The following SETDB2 variants were observed in gnomAD, a reference collection of about 807,000 sequenced individuals.
SETDB2 encodes the protein histone-lysine N-methyltransferase SETDB2.
SETDB2 carries 56 observed loss-of-function variants against 82.5 expected under a neutral mutation model. The observed-to-expected ratio is 0.68, with a 90% CI of 0.55 to 0.85. The LOEUF is 0.85. SETDB2 is among the 40% of genes least tolerant of loss of function. The pLI, the probability that SETDB2 is intolerant of heterozygous loss-of-function variation, is 0.00. For missense variants in SETDB2, 677 were observed against 816.4 expected (o/e 0.83, Z 2.08); for synonymous variants, 272 against 284.9 (o/e 0.95, Z 0.46).
chr13:49,464,954 T>C (rs928056647), intron 4 of SETDB2, among the ~76,000 whole-genome samples: 4 of 151,558 alleles, frequency 2.6e-5, no homozygotes, highest in African/African-American at 9.7e-5. Context: ...TGATTCCAGG[T>C]ACTCAAGAGG....
Position 49,493,887 on chromosome 13 carries a change from A to G in SETDB2, c.*2038A>G, listed in dbSNP as rs765668512. 1 of 152,060 alleles carries G rather than the reference A, an allele frequency of 6.6e-6. No individual in the cohort carries two copies. Among genetic ancestry groups the G allele is most frequent in the African/African-American group, 2.4e-5 (1 of 41,400 alleles). 9.4% of individuals were successfully genotyped at this position (152,060 alleles called of 1,614,324 possible). On this transcript the variant is annotated 3_prime_UTR_variant, in exon 14 of 14. Transcript: ENST00000611815. ...CATTTTTATCTCTCTTGAAGCTTAT[A>G]GGTTTATCTTTGTCTCAATGTTCTG...
At chr13:49,459,013 C>T (rs1372647090) in intron 2 of SETDB2, among the ~76,000 whole-genome samples, 2 of 152,240 alleles carry the variant, frequency 1.3e-5, no homozygotes, top group Admixed American at 6.5e-5. Context: ...TGTCCTCTTA[C>T]ATTGCTCTTG....
At position 49,476,903 on chromosome 13, in the gene SETDB2, T is replaced by G. The variant is rs1161397624; in HGVS notation, c.733T>G (p.Phe245Val). ...TGGAGTGGAATCAGTGCCCATTTCT[T>G]TCTGTAATGAAATTGACAGTAGAAA... is the stretch of plus-strand genomic sequence containing the variant. The part of the protein sequence containing the change: ...SNGVESVPIS[F>V]CNEIDSRKLP... Residue 245 changes from phenylalanine (F) to valine (V), a missense_variant, in exon 6 of 14, where the codon TTC (phenylalanine) becomes GTC (valine). By Grantham distance (50) the Phe-to-Val change is conservative (BLOSUM62 -1). Transcript: ENST00000611815. 1 of 1,614,090 alleles carries G rather than the reference T, an allele frequency of 6.2e-7. No homozygotes were observed. Among genetic ancestry groups the G allele is most frequent in the Non-Finnish European group, 8.5e-7 (1 of 1,180,052 alleles).
intron 12 of SETDB2, among the ~76,000 whole-genome samples, chr13:49,489,760 T>G (rs544581361): frequency 6.6e-6 from 1 of 150,916 alleles, no homozygotes; most frequent in East Asian, 2.0e-4. Context: ...CATGCCTGGC[T>G]AATTTTTGCA....
chr13:49,481,319 A>G (rs551044300), intron 8 of SETDB2, among the ~76,000 whole-genome samples: 1 of 152,288 alleles, frequency 6.6e-6, no homozygotes, highest in Admixed American at 6.5e-5. Context: ...TCAAGAAAAG[A>G]AAGGTTCAGA....
At chr13:49,467,493 G>A (rs1357720512) in intron 4 of SETDB2, among the ~76,000 whole-genome samples, 1 of 151,976 alleles carries the variant, frequency 6.6e-6, no homozygotes, top group Non-Finnish European at 1.5e-5. Context: ...AAAACAAAAG[G>A]TACATAAATT....
chr13:49,482,799 G>A lies in SETDB2; in HGVS notation c.1219G>A (p.Glu407Lys). The A allele has an allele frequency of 6.2e-7, 1 of 1,612,858 alleles. No homozygotes were observed. Among genetic ancestry groups the A allele is most frequent in the Non-Finnish European group, 8.5e-7 (1 of 1,179,146 alleles). The change falls in exon 9 of 14, where the codon GAG (glutamate) becomes AAG (lysine). Residue 407 changes from glutamate to lysine, a missense_variant. Glu to Lys is a moderately conservative substitution (Grantham distance 56, BLOSUM62 1). Around this residue, in one of 3 missense-constraint regions of SETDB2, gnomAD observed 420 missense variants for 554.6 expected, o/e 0.76. Transcript: ENST00000611815. ...SYGIDENGRD[E>K]NTMKNIFSKK... is the part of the protein sequence containing the mutation. The stretch of plus-strand genomic sequence containing the variant: ...TGGTATTGATGAAAACGGGAGAGAT[G>A]AGAATACTATGAAAAATATATTTTC...
intron 5 of SETDB2, among the ~76,000 whole-genome samples, chr13:49,468,323 T>G (rs1250502256): frequency 6.6e-6 from 1 of 152,146 alleles, no homozygotes; most frequent in African/African-American, 2.4e-5. Context: ...CAGTTGAGTT[T>G]TCAAAATGCG....
intron 1 of SETDB2, among the ~76,000 whole-genome samples, chr13:49,449,945 C>CT (rs1467565116): frequency 6.6e-6 from 1 of 152,068 alleles, no homozygotes; most frequent in East Asian, 1.9e-4. Context: ...CTGCAAATGT[C>CT]TTTTTTTCAT....
At chr13:49,458,872 A>G (rs1316567111) in intron 2 of SETDB2, among the ~76,000 whole-genome samples, 2 of 152,224 alleles carry the variant, frequency 1.3e-5, no homozygotes, top group African/African-American at 4.8e-5. Context: ...TTTCTGGAAA[A>G]CATAACTAAT....
At chr13:49,485,765 G>C in intron 11 of SETDB2, 42 bp downstream of exon 11, 2 of 1,463,380 alleles carry the variant, frequency 1.4e-6, no homozygotes, top group Non-Finnish European at 1.9e-6. Context: ...TCTTCTGCCT[G>C]TTTCTCTGTC....
chr13:49,478,064 AG>A (rs1447172432), intron 6 of SETDB2, among the ~76,000 whole-genome samples: 1 of 152,194 alleles, frequency 6.6e-6, no homozygotes, highest in Non-Finnish European at 1.5e-5. Flanking sequence ...TGGCAAAAAA[AG>A]AATAAGAGAA....
At chr13:49,452,811 G>C (rs1253427421) in intron 2 of SETDB2, among the ~76,000 whole-genome samples, 1 of 152,122 alleles carries the variant, frequency 6.6e-6, no homozygotes. Flanking sequence ...TTTGACTGGA[G>C]CGATGGGTTT....
At position 49,451,826 on chromosome 13, in the gene SETDB2, T is replaced by C. The variant is rs1056531690; in HGVS notation, c.-68T>C. On this transcript the variant is annotated 5_prime_UTR_variant, in exon 2 of 14. Coordinates refer to ENST00000611815, the MANE Select transcript of SETDB2 (RefSeq NM_001160308.3). ...AGACCACAGTTGGATTCCAGTGATA[T>C]TCTGCAATCAAAGTGATTTGATAAA... The C allele has an allele frequency of 1.4e-5, 18 of 1,261,894 alleles. No homozygotes were observed. Among genetic ancestry groups the C allele is most frequent in the Middle Eastern group, 1.9e-4 (1 of 5,360 alleles). 78.2% of individuals were successfully genotyped at this position (1,261,894 alleles called of 1,614,324 possible).
rs1958723251 is a variant in SETDB2, at chr13:49,492,036, C to T, written c.*187C>T. ...AACACAATTAGGATATTTTCATACACATAGGGTATCTTGTTCACTGCTGTG... is the reference window on the plus strand; with the variant it reads ...AACACAATTAGGATATTTTCATACATATAGGGTATCTTGTTCACTGCTGTG... On this transcript the variant is annotated 3_prime_UTR_variant, in exon 14 of 14. Transcript: ENST00000611815. The T allele has an allele frequency of 3.2e-6, 2 of 632,422 alleles. No homozygotes were observed. Among genetic ancestry groups the T allele is most frequent in the African/African-American group, 1.8e-5 (1 of 55,058 alleles). 39.2% of individuals were successfully genotyped at this position (632,422 alleles called of 1,614,324 possible).
chr13:49,454,363 T>A (rs4468500), intron 2 of SETDB2, among the ~76,000 whole-genome samples: 1 of 152,046 alleles, frequency 6.6e-6, no homozygotes, highest in Non-Finnish European at 1.5e-5. Flanking sequence ...GAGCTGAGAT[T>A]GTGCCACTGT....
chr13:49,467,918 C>T lies in SETDB2; in HGVS notation c.263C>T (p.Ser88Phe). ...EQENKSNAFP[S>F]TSCENSFPED... ...GAAAACAAATCCAATGCATTTCCCT[C>T]TACATCATGTGAAAACTCCTTTCCA... Residue 88 changes from serine to phenylalanine, a missense_variant, in exon 5 of 14, where the codon TCT becomes TTT. This residue lies in a region of SETDB2 where 243 missense variants were observed against 237.2 expected (regional missense o/e 1.02). Transcript: ENST00000611815. 1 of 1,610,984 alleles carries T rather than the reference C, an allele frequency of 6.2e-7. No individual in the cohort carries two copies.
chr13:49,464,904 A>C (rs1353803606), intron 4 of SETDB2, among the ~76,000 whole-genome samples: 1 of 151,922 alleles, frequency 6.6e-6, no homozygotes, highest in East Asian at 1.9e-4. Flanking sequence ...TCTACAGATA[A>C]TAAAAAAAAA....
chr13:49,473,737 C>G (rs949188002), intron 5 of SETDB2, among the ~76,000 whole-genome samples: 3 of 151,860 alleles, frequency 2.0e-5, no homozygotes, highest in African/African-American at 7.3e-5. Flanking sequence ...TAACCTATAT[C>G]AAAACAAAGA....
Sources: allele counts gnomAD v4.1 joint callset (sites outside exome capture counted in the v4.1 genomes callset), GRCh38; gene constraint gnomAD v4.1.1; regional missense constraint gnomAD v4.1.1; transcripts MANE v1.5; gene names NCBI Gene and HGNC (gene_info 2026-07-23, HGNC 2026-07-21).